LARS2: variants seen among roughly 807,000 people sequenced by gnomAD.
The protein encoded by LARS2 is leucine--tRNA ligase, mitochondrial.
A neutral mutation model predicts 116.6 loss-of-function variants in LARS2; 81 were observed. The observed-to-expected ratio is 0.69, with a 90% CI of 0.58 to 0.84. The LOEUF is 0.84. Ranked by LOEUF, LARS2 falls within the 40% of genes least tolerant of loss-of-function variation. The pLI is 0.00. For synonymous variants in LARS2, 396 were observed against 407.2 expected (o/e 0.97, Z 0.33); for missense variants, 968 against 1,114.5 (o/e 0.87, Z 1.87).
At chr3:45,410,198 G>A (rs938262386) in intron 4 of LARS2, among the ~76,000 whole-genome samples, 5 of 152,142 alleles carry the variant, frequency 3.3e-5, no homozygotes, top group Non-Finnish European at 7.3e-5. Flanking sequence ...TATTCTGCCA[G>A]TAACACAGCC....
chr3:45,461,851 T>C (rs1699331759), intron 8 of LARS2, among the ~76,000 whole-genome samples: 1 of 152,180 alleles, frequency 6.6e-6, no homozygotes, highest in African/African-American at 2.4e-5. Flanking sequence ...AGAGACATAG[T>C]CCTGACCCTT....
chr3:45,404,213 C>G lies in LARS2; in HGVS notation c.363+3840C>G, dbSNP rs564977410. 1.1e-4 allele frequency among the ~76,000 whole-genome samples: 16 copies of G among 152,274 alleles called. No individual in the cohort carries two copies. In the East Asian group the frequency reaches 3.1e-3, roughly 29 times the overall value. Reference sequence around the variant, plus strand: ...AGGTTGTCTTTTTGTTTCACAGTTTCAGTTGCTGTGTTTAAGATAGCAAGC... The same window carrying G: ...AGGTTGTCTTTTTGTTTCACAGTTTGAGTTGCTGTGTTTAAGATAGCAAGC... On this transcript the variant is annotated intron_variant, in intron 4 of 21. Coordinates refer to ENST00000645846, the MANE Select transcript of LARS2 (RefSeq NM_015340.4).
chr3:45,542,092 A>G, intron 21 of LARS2, 136 bp downstream of exon 21: 1 of 1,091,664 alleles, frequency 9.2e-7, no homozygotes, highest in South Asian at 1.6e-5. Context: ...ACACCTTGTG[A>G]CCGGAAGGCA....
At chr3:45,389,775 A>C (rs1697908943) in intron 1 of LARS2, among the ~76,000 whole-genome samples, 1 of 152,240 alleles carries the variant, frequency 6.6e-6, no homozygotes, top group African/African-American at 2.4e-5. Flanking sequence ...CACACCTTTC[A>C]CATCGTCTTA....
intron 7 of LARS2, among the ~76,000 whole-genome samples, chr3:45,457,044 T>C (rs966504929): frequency 3.9e-5 from 6 of 152,200 alleles, no homozygotes; most frequent in African/African-American, 1.4e-4. Flanking sequence ...GGGACGGCAA[T>C]GCGTTTGACC....
chr3:45,437,074 T>C (rs1698821255), intron 6 of LARS2, among the ~76,000 whole-genome samples: 1 of 152,234 alleles, frequency 6.6e-6, no homozygotes, highest in Admixed American at 6.5e-5. Flanking sequence ...CAGTGTGAGA[T>C]GTCTTTAAAA....
intron 4 of LARS2, among the ~76,000 whole-genome samples, chr3:45,411,102 C>T (rs1698323242): frequency 6.6e-6 from 1 of 152,204 alleles, no homozygotes; most frequent in Admixed American, 6.5e-5. Flanking sequence ...CTCACAGACC[C>T]TGACCCAGCA....
At chr3:45,414,545 A>T (rs922469676) in intron 4 of LARS2, among the ~76,000 whole-genome samples, 2 of 152,174 alleles carry the variant, frequency 1.3e-5, no homozygotes, top group African/African-American at 4.8e-5. Flanking sequence ...ATGTGTGTGA[A>T]CATAAGCCTA....
chr3:45,467,390 C>G lies in LARS2; in HGVS notation c.751-6853C>G, dbSNP rs551712522. On this transcript the variant is annotated intron_variant, in intron 8 of 21. Transcript: ENST00000645846. ...GCTTACTGCTACCAGATGGCTAGCT[C>G]TAAGTGTCAGATTTGCTCAAAATAG... 1.1e-3 allele frequency among the ~76,000 whole-genome samples: 161 copies of G among 152,268 alleles called. 5 individuals are homozygous for G. In the South Asian group the frequency reaches 0.02, roughly 19 times the overall value.
intron 20 of LARS2, among the ~76,000 whole-genome samples, chr3:45,536,516 C>T (rs535071431): frequency 2.0e-5 from 3 of 152,316 alleles, no homozygotes; most frequent in South Asian, 2.1e-4. Context: ...TGGCAGAGTA[C>T]GTGGAATGTG....
At chr3:45,531,314 A>T (rs1176866449) in intron 20 of LARS2, among the ~76,000 whole-genome samples, 3 of 152,180 alleles carry the variant, frequency 2.0e-5, no homozygotes, top group East Asian at 3.8e-4. Context: ...TCTGGAATAT[A>T]TGAGGAAAAT....
chr3:45,451,361 AT>A (rs776103233), intron 7 of LARS2, among the ~76,000 whole-genome samples: 1 of 151,348 alleles, frequency 6.6e-6, no homozygotes, highest in Non-Finnish European at 1.5e-5. Flanking sequence ...TCTTTAATCT[AT>A]TTTGAGTTTT....
chr3:45,524,015 A>T lies in LARS2; in HGVS notation c.2311A>T (p.Ile771Phe), dbSNP rs1310264352. 3 of 1,613,806 alleles carry T rather than the reference A, an allele frequency of 1.9e-6. No individual in the cohort carries two copies. Among genetic ancestry groups the T allele is most frequent in the Non-Finnish European group, 1.7e-6 (2 of 1,179,888 alleles). Residue 771 changes from isoleucine to phenylalanine, a missense_variant, in exon 20 of 22, where the codon ATT becomes TTT. Coordinates refer to ENST00000645846, the MANE Select transcript of LARS2 (RefSeq NM_015340.4). ...NALSQASQSV[I>F]LHSPEFEDAL... ...TCCTTAGCAAGCCTCTCAGAGCGTC[A>T]TTCTCCACAGCCCCGAGTTTGAGGA... is the stretch of plus-strand genomic sequence containing the variant.
chr3:45,418,843 A>G (rs187298816), intron 5 of LARS2, among the ~76,000 whole-genome samples: 3 of 152,340 alleles, frequency 2.0e-5, no homozygotes, highest in Admixed American at 2.0e-4. Context: ...CACCTTGAGC[A>G]AATTACTTAA....
chr3:45,525,681 T>C (rs1175248047), intron 20 of LARS2, among the ~76,000 whole-genome samples: 1 of 152,256 alleles, frequency 6.6e-6, no homozygotes, highest in Non-Finnish European at 1.5e-5. Context: ...AGTCATCTTC[T>C]GGGTCTTTCC....
chr3:45,528,010 A>G (rs1169774083), intron 20 of LARS2, among the ~76,000 whole-genome samples: 1 of 152,196 alleles, frequency 6.6e-6, no homozygotes, highest in Non-Finnish European at 1.5e-5. Context: ...AGAAATAAAC[A>G]GCCACCATCA....
intron 15 of LARS2, among the ~76,000 whole-genome samples, chr3:45,510,304 C>T (rs1372562696): frequency 6.6e-6 from 1 of 151,964 alleles, no homozygotes; most frequent in Non-Finnish European, 1.5e-5. Context: ...GTCCCAGCTG[C>T]TTGCAGGGGT....
At chr3:45,496,184 A>T in intron 13 of LARS2, 91 bp from the exon 14 acceptor site, 1 of 1,014,076 alleles carries the variant, frequency 9.9e-7, no homozygotes, top group Non-Finnish European at 1.5e-6. Context: ...ATGACATTTT[A>T]AATTCATACT....
chr3:45,433,217 CTT>C (rs576126432), intron 6 of LARS2, among the ~76,000 whole-genome samples: 25 of 152,150 alleles, frequency 1.6e-4, no homozygotes, highest in Non-Finnish European at 3.2e-4. Flanking sequence ...CTTCCAATCT[CTT>C]TTAATTGGCA....
Sources: gnomAD v4.1 joint callset for allele counts (sites outside exome capture counted in the v4.1 genomes callset) on GRCh38, gnomAD v4.1.1 for gene constraint, MANE v1.5 for transcripts, NCBI Gene and HGNC (gene_info 2026-07-23, HGNC 2026-07-21) for gene names.